ART4: variants seen among roughly 807,000 people sequenced by gnomAD.
ART4 encodes ADP-ribosyltransferase 4 (inactive) (Dombrock blood group).
A neutral mutation model predicts 24.2 loss-of-function variants in ART4; 14 were observed. The ratio of observed to expected loss-of-function variants is 0.58; its 90% CI spans 0.38 to 0.90. The LOEUF (loss-of-function observed/expected upper bound fraction) is 0.90. ART4 is among the 40% of genes least tolerant of loss of function. The pLI is 0.00. For missense variants in ART4, 356 were observed against 366.6 expected, an observed-to-expected ratio of 0.97 and a Z score of 0.24; for synonymous variants, 145 against 139.9, an observed-to-expected ratio of 1.04 and a Z score of -0.26.
chr12:14,842,303 T>C (rs1380313361), intron 1 of ART4, among the ~76,000 whole-genome samples: 1 of 152,236 alleles, frequency 6.6e-6, no homozygotes, highest in Non-Finnish European at 1.5e-5. Context: ...ATGTTGGAAC[T>C]GGAACTTAAA....
In ART4 at chr12:14,841,169, A is replaced by T. The variant is rs1403637606; in HGVS notation, c.145-16T>A. ...TAATTGCAACCTGTAAAAAAAGAAA[A>T]ATCTTGAGTTTAATTTTTCAAATCA... On this transcript the variant is annotated splice_polypyrimidine_tract_variant and intron_variant, in intron 1 of 2. Transcript: ENST00000228936. 1.3e-6 allele frequency: 2 copies of T among 1,561,210 alleles called. No homozygotes were observed. The highest frequency in any genetic ancestry group is 2.8e-5 in the African/African-American group (2 of 72,402).
chr12:14,835,396 G>A (rs1025122915), intron 2 of ART4, among the ~76,000 whole-genome samples: 3 of 152,074 alleles, frequency 2.0e-5, no homozygotes, highest in African/African-American at 7.2e-5. Context: ...AGATAAGAAA[G>A]ACACACTACC....
intron 2 of ART4, among the ~76,000 whole-genome samples, chr12:14,837,690 C>T (rs1234377061): frequency 3.9e-5 from 6 of 151,920 alleles, no homozygotes; most frequent in Non-Finnish European, 7.4e-5. Flanking sequence ...CTTTTTGTAT[C>T]TTTTTGTAGA....
In ART4 at chr12:14,841,108, C is replaced by T. The variant is rs777697516; in HGVS notation, c.190G>A (p.Asp64Asn). The T allele has an allele frequency of 6.3e-7, 1 of 1,595,404 alleles. No individual in the cohort carries two copies. Among genetic ancestry groups the T allele is most frequent in the Non-Finnish European group, 8.5e-7 (1 of 1,173,944 alleles). ...DFDFAPGSFDDQYQGCSKQVM... is the reference protein window; with the variant it reads ...DFDFAPGSFDNQYQGCSKQVM... ...TGTTTGCTACAGCCTTGGTACTGAT[C>T]ATCAAAAGAACCTGGTGCGAAGTCG... Residue 64 changes from aspartate (D) to asparagine (N), a missense_variant, in exon 2 of 3, where the codon GAT (aspartate) becomes AAT (asparagine). Transcript: ENST00000228936.
intron 2 of ART4, among the ~76,000 whole-genome samples, chr12:14,838,010 C>T (rs1950442475): frequency 6.6e-6 from 1 of 152,124 alleles, no homozygotes; most frequent in Non-Finnish European, 1.5e-5. Flanking sequence ...AATACTAGTT[C>T]CTCAAATACT....
intron 2 of ART4, among the ~76,000 whole-genome samples, chr12:14,835,820 G>T (rs936486631): frequency 6.6e-6 from 1 of 151,992 alleles, no homozygotes; most frequent in Non-Finnish European, 1.5e-5. Flanking sequence ...GGTCAGGCTG[G>T]TCTCGATCTC....
At chr12:14,841,508 C>T (rs546061213) in intron 1 of ART4, among the ~76,000 whole-genome samples, 31 of 152,240 alleles carry the variant, frequency 2.0e-4, no homozygotes, top group Admixed American at 3.9e-4. Context: ...TACTTTCCCC[C>T]CTCTTTCTAG....
At chr12:14,837,800 C>T (rs1324513150) in intron 2 of ART4, among the ~76,000 whole-genome samples, 1 of 152,214 alleles carries the variant, frequency 6.6e-6, no homozygotes, top group African/African-American at 2.4e-5. Context: ...CGGGTGTGAG[C>T]CACCGCACTT....
At chr12:14,830,639 CTGTA>C (rs1470378074) in intron 2 of ART4, among the ~76,000 whole-genome samples, 2 of 45,166 alleles carry the variant, frequency 4.4e-5, no homozygotes, top group Non-Finnish European at 8.6e-5. Context: ...TATGTGTGTA[CTGTA>C]TGTATGTATA....
chr12:14,835,316 A>G (rs1162963334), intron 2 of ART4, among the ~76,000 whole-genome samples: 1 of 152,166 alleles, frequency 6.6e-6, no homozygotes, highest in Admixed American at 6.5e-5. Flanking sequence ...GAAGTGGGAA[A>G]TGGTAGCTAT....
chr12:14,831,891 C>A (rs934767664), intron 2 of ART4, among the ~76,000 whole-genome samples: 1 of 152,086 alleles, frequency 6.6e-6, no homozygotes, highest in African/African-American at 2.4e-5. Context: ...CACCTCCATC[C>A]TTTCAGTTAC....
In ART4 at chr12:14,840,666, G is replaced by T; in HGVS notation, c.632C>A (p.Ser211Tyr). The T allele has an allele frequency of 6.2e-7, 1 of 1,614,154 alleles. No individual in the cohort carries two copies. The highest frequency in any genetic ancestry group is 1.1e-5 in the South Asian group (1 of 91,072). The change falls in exon 2 of 3, where the codon TCC (serine) becomes TAC (tyrosine). Residue 211 changes from serine to tyrosine, a missense_variant. Transcript: ENST00000228936. Reference sequence around the variant, plus strand: ...CTCCTGTGCCTCTTCTTTCAGGAGGGATGTGGAGAGGAATTGGCCAAATCG... The same window carrying T: ...CTCCTGTGCCTCTTCTTTCAGGAGGTATGTGGAGAGGAATTGGCCAAATCG... ...TIRFGQFLSTSLLKEEAQEFG... is the reference protein window; with the variant it reads ...TIRFGQFLSTYLLKEEAQEFG...
At chr12:14,841,211 G>A (rs1377723229) in intron 1 of ART4, 58 bp from the exon 2 acceptor site, 16 of 1,491,394 alleles carry the variant, frequency 1.1e-5, no homozygotes, top group Non-Finnish European at 9.0e-7. Flanking sequence ...GAATGTGGTT[G>A]CAGATTTGCT....
At chr12:14,837,488 T>C (rs1354679089) in intron 2 of ART4, among the ~76,000 whole-genome samples, 2 of 152,158 alleles carry the variant, frequency 1.3e-5, no homozygotes, top group African/African-American at 4.8e-5. Flanking sequence ...CATTATTATA[T>C]GCTATAGAAT....
intron 1 of ART4, among the ~76,000 whole-genome samples, chr12:14,842,576 CTTAACA>C (rs1281805762): frequency 1.3e-5 from 2 of 152,166 alleles, no homozygotes; most frequent in Non-Finnish European, 2.9e-5. Flanking sequence ...TCTGTCATCT[CTTAACA>C]TTAGGTTGTT....
rs1454355320 is a variant in ART4, at chr12:14,843,225, CCT to C, written c.-114_-113del. ...AGTCTCATCCGTAACCGTTTTTTCCCCTGTCTATGCTGAGCAACTTCTGTTGC... is the reference window on the plus strand; with the variant it reads ...AGTCTCATCCGTAACCGTTTTTTCCCGTCTATGCTGAGCAACTTCTGTTGC... On this transcript the variant is annotated 5_prime_UTR_variant, in exon 1 of 3. Coordinates refer to ENST00000228936, the MANE Select transcript of ART4 (RefSeq NM_021071.4). 33 of 1,374,418 alleles carry C rather than the reference CCT, an allele frequency of 2.4e-5. No homozygotes were observed. The Admixed American group carries it at 2.7e-4, about 11-fold the overall frequency. The allele number at this position is 1,374,418 out of a possible 1,614,324, so 85.1% of individuals were successfully genotyped here.
At position 14,826,731 on chromosome 12, in the gene ART4, T is replaced by G. The variant is rs1950362246; in HGVS notation, c.*2640A>C. On this transcript the variant is annotated 3_prime_UTR_variant, in exon 3 of 3. Coordinates refer to ENST00000228936, the MANE Select transcript of ART4 (RefSeq NM_021071.4). The stretch of plus-strand genomic sequence containing the variant: ...TGACCTTATGCTGTACATACATCGA[T>G]CATTCCGTATTCGCTTCTATTTTCT... The G allele has an allele frequency of 6.6e-6, 1 of 152,254 alleles. No individual in the cohort carries two copies. Among genetic ancestry groups the G allele is most frequent in the South Asian group, 2.1e-4 (1 of 4,832 alleles). 9.4% of individuals were successfully genotyped at this position (152,254 alleles called of 1,614,324 possible). A position where few individuals can be genotyped will look rare whatever the true frequency, so the allele number is the denominator to read the frequency against.
intron 2 of ART4, among the ~76,000 whole-genome samples, chr12:14,836,795 G>A (rs573886841): frequency 6.6e-6 from 1 of 152,266 alleles, no homozygotes; most frequent in African/African-American, 2.4e-5. Flanking sequence ...TCGTAGCTGT[G>A]GAGGGTGAGA....
rs898781131 is a variant in ART4, at chr12:14,843,177, G to A, written c.-64C>T. ...CTTCATCCTGAGATGAATTCTCAGA[G>A]TTCTCCTTTGAGGTTTTCTTTCAGT... On this transcript the variant is annotated 5_prime_UTR_variant, in exon 1 of 3. Transcript: ENST00000228936. 5.0e-6 allele frequency: 8 copies of A among 1,594,668 alleles called. No individual in the cohort carries two copies. In the Admixed American group the frequency reaches 6.8e-5, roughly 13 times the overall value.
Sources: allele counts gnomAD v4.1 joint callset (sites outside exome capture counted in the v4.1 genomes callset), GRCh38; gene constraint gnomAD v4.1.1; transcripts MANE v1.5; gene names NCBI Gene and HGNC (gene_info 2026-07-23, HGNC 2026-07-21).